The following PDE1A variants were observed in gnomAD, a reference collection of about 807,000 sequenced individuals.
The protein encoded by PDE1A is dual specificity calcium/calmodulin-dependent 3',5'-cyclic nucleotide phosphodiesterase 1A.
PDE1A carries 35 observed loss-of-function variants against 61.7 expected under a neutral mutation model. That is an observed-to-expected ratio of 0.57 (90% CI 0.43 to 0.75). The LOEUF is 0.75. Ranked by LOEUF, PDE1A falls within the 30% of genes least tolerant of loss-of-function variation. The pLI, the probability that PDE1A is intolerant of heterozygous loss-of-function variation, is 0.00. For synonymous variants in PDE1A, 232 were observed against 213.2 expected (o/e 1.09, Z -0.77); for missense variants, 597 against 630.6 (o/e 0.95, Z 0.57).
chr2:182,593,744 A>T, the PDE1A span, among the ~76,000 whole-genome samples: 7 of 152,242 alleles, frequency 4.6e-5, no homozygotes, highest in African/African-American at 1.7e-4. Context: ...CATGTCTTAC[A>T]GGACAGGGAC....
intron 1 of PDE1A, among the ~76,000 whole-genome samples, chr2:182,270,314 A>T (rs1169659116): frequency 6.6e-6 from 1 of 152,160 alleles, no homozygotes; most frequent in East Asian, 1.9e-4. Flanking sequence ...TTTTAATTCA[A>T]ATACAGAACT....
chr2:182,410,027 A>G (rs2125513004), intron 1 of PDE1A, among the ~76,000 whole-genome samples: 1 of 152,262 alleles, frequency 6.6e-6, no homozygotes, highest in East Asian at 1.9e-4. Flanking sequence ...AAAATTGTAT[A>G]ATAAACAGTT....
At chr2:182,238,278 A>AAG (rs1690221823) in intron 3 of PDE1A, among the ~76,000 whole-genome samples, 1 of 150,100 alleles carries the variant, frequency 6.7e-6, no homozygotes, top group African/African-American at 2.5e-5. Flanking sequence ...AAAAAAAAAA[A>AAG]AAAAGAAAAA....
At chr2:182,250,968 T>C (rs1352428301) in intron 2 of PDE1A, among the ~76,000 whole-genome samples, 2 of 152,094 alleles carry the variant, frequency 1.3e-5, no homozygotes, top group Non-Finnish European at 2.9e-5. Flanking sequence ...GGGATCAAGA[T>C]TGTATTTTTG....
chr2:182,336,671 G>T (rs1288006507), intron 1 of PDE1A, among the ~76,000 whole-genome samples: 2 of 152,098 alleles, frequency 1.3e-5, no homozygotes, highest in African/African-American at 4.8e-5. Context: ...TAATGTAGAT[G>T]ATGGGTTGAT....
intron 1 of PDE1A, among the ~76,000 whole-genome samples, chr2:182,349,606 T>C (rs1574420492): frequency 1.3e-5 from 2 of 152,126 alleles, no homozygotes; most frequent in Non-Finnish European, 2.9e-5. Flanking sequence ...CCCAAAGTCA[T>C]AGCCTTCTAG....
At chr2:182,364,500 C>CCTTATTCTG (rs1189463786) in intron 1 of PDE1A, among the ~76,000 whole-genome samples, 1 of 23,142 alleles carries the variant, frequency 4.3e-5, no homozygotes, top group African/African-American at 1.3e-4. Context: ...AAAAAAAAAA[C>CCTTATTCTG]CTTATTCTGA....
At chr2:182,253,165 G>T (rs1205883295) in intron 2 of PDE1A, among the ~76,000 whole-genome samples, 1 of 152,168 alleles carries the variant, frequency 6.6e-6, no homozygotes, top group Non-Finnish European at 1.5e-5. Flanking sequence ...AGGGTAAAGT[G>T]ACTCCTGGGA....
intron 1 of PDE1A, among the ~76,000 whole-genome samples, chr2:182,317,395 T>C (rs73038189): frequency 0.042 from 6,429 of 152,162 alleles, 431 homozygotes; most frequent in African/African-American, 0.15. Context: ...TTAACAAATA[T>C]ATGTTGAACA....
At chr2:182,599,697 T>C in the PDE1A span, among the ~76,000 whole-genome samples, 1 of 152,192 alleles carries the variant, frequency 6.6e-6, no homozygotes. Context: ...GAATAGGACA[T>C]CCTTTTACTA....
At position 182,380,106 on chromosome 2, in the gene PDE1A, C is replaced by CTT. The variant is rs1226939777; in HGVS notation, c.53+46470_53+46471dup. On this transcript the variant is annotated intron_variant, in intron 1 of 13. Transcript: ENST00000351439. ...AGTCATCTTAGAAGACCCAGCTCCT[C>CTT]TTTTTTTTTTTTTTTTTTTTTTGAG... Among the ~76,000 whole-genome samples the CTT allele has an allele frequency of 8.8e-3, 912 of 103,806 alleles. 20 individuals carry two copies. Among genetic ancestry groups the CTT allele is most frequent in the Non-Finnish European group, 0.011 (597 of 53,544 alleles). 68.1% of individuals were successfully genotyped at this position (103,806 alleles called of 152,430 possible).
chr2:182,630,785 A>G, the PDE1A span, among the ~76,000 whole-genome samples: 2 of 152,162 alleles, frequency 1.3e-5, no homozygotes, highest in Non-Finnish European at 2.9e-5. Flanking sequence ...TGAATCCAGC[A>G]TCAGCTCTCC....
intron 6 of PDE1A, among the ~76,000 whole-genome samples, chr2:182,228,074 G>A (rs533118419): frequency 6.6e-6 from 1 of 152,230 alleles, no homozygotes; most frequent in South Asian, 2.1e-4. Flanking sequence ...GACATTTGAA[G>A]GTGACTTGAC....
intron 2 of PDE1A, among the ~76,000 whole-genome samples, chr2:182,481,100 CTGGA>C (rs1687674294): frequency 6.6e-6 from 1 of 151,744 alleles, no homozygotes; most frequent in African/African-American, 2.4e-5. Flanking sequence ...TTAAAATAAA[CTGGA>C]TGAAGTTTTA....
chr2:182,187,737 C>CTTTTTTTTTTTTTTTTTT (rs1038970569), intron 11 of PDE1A, among the ~76,000 whole-genome samples: 130 of 66,382 alleles, frequency 2.0e-3, no homozygotes, highest in Non-Finnish European at 2.2e-3. Context: ...TTTTTTTGTT[C>CTTTTTTTTTTTTTTTTTT]TTTTTTTTTT....
At chr2:182,688,466 A>G in the PDE1A span, among the ~76,000 whole-genome samples, 1 of 152,214 alleles carries the variant, frequency 6.6e-6, no homozygotes, top group Non-Finnish European at 1.5e-5. Flanking sequence ...TACTTTACAC[A>G]CAAGCAAATG....
At chr2:182,677,488 T>C in the PDE1A span, among the ~76,000 whole-genome samples, 1 of 152,168 alleles carries the variant, frequency 6.6e-6, no homozygotes, top group African/African-American at 2.4e-5. Context: ...GCCCAAATGA[T>C]TCGATGTTAT....
chr2:182,170,209 G>C (rs996903135), intron 13 of PDE1A, among the ~76,000 whole-genome samples: 1 of 151,950 alleles, frequency 6.6e-6, no homozygotes, highest in African/African-American at 2.4e-5. Flanking sequence ...GTTTTGTGAC[G>C]TTAGACAAAT....
At chr2:182,446,943 T>C (rs1201553162) in intron 2 of PDE1A, among the ~76,000 whole-genome samples, 2 of 151,266 alleles carry the variant, frequency 1.3e-5, no homozygotes, top group Non-Finnish European at 1.5e-5. Context: ...TGAGATAATA[T>C]ATATATATAT....
Sources: allele counts gnomAD v4.1 joint callset (sites outside exome capture counted in the v4.1 genomes callset), GRCh38; gene constraint gnomAD v4.1.1; transcripts MANE v1.5; gene names NCBI Gene and HGNC (gene_info 2026-07-23, HGNC 2026-07-21).